FOCAD: variants seen among roughly 807,000 people sequenced by gnomAD.
FOCAD encodes the protein KIAA1797.
Under a neutral mutation model 225.6 loss-of-function variants are expected in FOCAD, and 198 were observed. The observed-to-expected ratio is 0.88, with a 90% CI of 0.78 to 0.99. The LOEUF (loss-of-function observed/expected upper bound fraction) is 0.99. Among genes scored for constraint, FOCAD ranks in the 50% least tolerant of loss-of-function variants. The probability of loss-of-function intolerance (pLI) is 0.00; values close to 1 mark genes in which losing one functional copy is unlikely to be tolerated. For synonymous variants in FOCAD, 897 were observed against 755.0 expected (o/e 1.19, Z -3.08); for missense variants, 2,713 against 2,123.6 (o/e 1.28, Z -5.46).
intron 4 of FOCAD, among the ~76,000 whole-genome samples, chr9:20,723,431 C>T (rs937587985): frequency 2.0e-5 from 3 of 152,150 alleles, no homozygotes; most frequent in Non-Finnish European, 4.4e-5. Context: ...GATCTTGCAG[C>T]GAGCTGAAGC....
intron 8 of FOCAD, among the ~76,000 whole-genome samples, chr9:20,773,355 C>A (rs1208359045): frequency 6.6e-6 from 1 of 152,210 alleles, no homozygotes; most frequent in Non-Finnish European, 1.5e-5. Flanking sequence ...GAGTTTGTTA[C>A]AAATGCACAT....
At chr9:20,930,771 T>C (rs1045298367) in intron 27 of FOCAD, among the ~76,000 whole-genome samples, 1 of 152,222 alleles carries the variant, frequency 6.6e-6, no homozygotes, top group African/African-American at 2.4e-5. Flanking sequence ...TTTCGTCCTG[T>C]TCACCATCAC....
chr9:20,944,355 A>G (rs1836965663), intron 28 of FOCAD, among the ~76,000 whole-genome samples: 1 of 152,156 alleles, frequency 6.6e-6, no homozygotes, highest in Non-Finnish European at 1.5e-5. Flanking sequence ...CATAAAGTTT[A>G]AGTCAAACTA....
At chr9:20,658,052 G>GTGCCCC, upstream of FOCAD, among the ~76,000 whole-genome samples, 1 of 143,054 alleles carries the variant, frequency 7.0e-6, no homozygotes, top group East Asian at 2.1e-4. Context: ...AGGTGTCAGT[G>GTGCCCC]TGCCCCTGCT....
chr9:20,689,941 G>T (rs933608748), intron 1 of FOCAD, among the ~76,000 whole-genome samples: 2 of 152,162 alleles, frequency 1.3e-5, no homozygotes, highest in Admixed American at 1.3e-4. Flanking sequence ...GGACAGTGTG[G>T]CCTATTTGCT....
At chr9:20,895,413 A>G (rs2131938184) in intron 21 of FOCAD, among the ~76,000 whole-genome samples, 1 of 152,074 alleles carries the variant, frequency 6.6e-6, no homozygotes. Flanking sequence ...GGAAGAACTG[A>G]CATCCTGACA....
chr9:20,871,175 G>A (rs555656769), intron 18 of FOCAD, among the ~76,000 whole-genome samples: 1 of 151,964 alleles, frequency 6.6e-6, no homozygotes, highest in South Asian at 2.1e-4. Flanking sequence ...CTACACTCCA[G>A]CCCAGGCAAC....
intron 5 of FOCAD, among the ~76,000 whole-genome samples, chr9:20,743,755 C>T (rs1310957133): frequency 6.6e-6 from 1 of 152,158 alleles, no homozygotes; most frequent in Admixed American, 6.6e-5. Context: ...CCCATTTGCT[C>T]AGTGATATGG....
chr9:20,995,796 G>C lies in FOCAD; in HGVS notation c.*167G>C. On this transcript the variant is annotated 3_prime_UTR_variant, in exon 44 of 44. Coordinates refer to ENST00000338382, the MANE Select transcript of FOCAD (RefSeq NM_001375567.1). ...ACAGCTTGACACATGCCTCCTAAGA[G>C]AGGAGTGCATTGCTTTAGTACCCGG... The C allele has an allele frequency of 1.9e-6, 1 of 519,536 alleles. No individual in the cohort carries two copies. The highest frequency in any genetic ancestry group is 3.4e-6 in the Non-Finnish European group (1 of 294,004). 32.2% of individuals were successfully genotyped at this position (519,536 alleles called of 1,614,324 possible). A position where few individuals can be genotyped will look rare whatever the true frequency, so the allele number is the denominator to read the frequency against.
intron 16 of FOCAD, chr9:20,863,249 AG>A (rs1244575237): frequency 7.0e-6 from 1 of 143,440 alleles, no homozygotes; most frequent in African/African-American, 2.6e-5. Context: ...TACATTTGTA[AG>A]CCATACTTTT....
At chr9:20,763,780 G>T (rs530556023) in intron 6 of FOCAD, among the ~76,000 whole-genome samples, 13 of 152,182 alleles carry the variant, frequency 8.5e-5, no homozygotes, top group Admixed American at 8.5e-4. Flanking sequence ...GATGGAGGGT[G>T]TGTGTGAATT....
intron 4 of FOCAD, among the ~76,000 whole-genome samples, chr9:20,728,205 A>G (rs934621674): frequency 1.3e-5 from 2 of 152,146 alleles, no homozygotes; most frequent in African/African-American, 4.8e-5. Flanking sequence ...ATTATAGGCT[A>G]ACTATCCCCT....
chr9:20,748,546 A>C (rs1828267450), intron 5 of FOCAD, among the ~76,000 whole-genome samples: 1 of 152,150 alleles, frequency 6.6e-6, no homozygotes, highest in South Asian at 2.1e-4. Flanking sequence ...ATCATTATAG[A>C]AAAATCAGAG....
Position 20,857,516 on chromosome 9 carries a change from ATG to A in FOCAD, c.1921-5061_1921-5060del, listed in dbSNP as rs1414739311. ...GTAGAGTCTCTAGGTTTTTCTAAAT[ATG>A]AGATCATATCATTTGGAAAGAAAAA... is the stretch of plus-strand genomic sequence containing the variant. On this transcript the variant is annotated intron_variant, in intron 15 of 43. Coordinates refer to ENST00000338382, the MANE Select transcript of FOCAD (RefSeq NM_001375567.1). Among the ~76,000 whole-genome samples the A allele has an allele frequency of 1.5e-3, 227 of 152,112 alleles. 3 individuals carry two copies. The East Asian group carries it at 0.04, about 27-fold the overall frequency.
At position 20,929,429 on chromosome 9, in the gene FOCAD, TG is replaced by T; in HGVS notation, c.3151del (p.Val1051CysfsTer16). The T allele has an allele frequency of 6.2e-7, 1 of 1,614,166 alleles. No individual in the cohort carries two copies. Among genetic ancestry groups the T allele is most frequent in the Non-Finnish European group, 8.5e-7 (1 of 1,180,020 alleles). On this transcript the variant is annotated frameshift_variant, in exon 27 of 44. Coordinates refer to ENST00000338382, the MANE Select transcript of FOCAD (RefSeq NM_001375567.1). LOFTEE classifies it high-confidence loss of function. The stretch of plus-strand genomic sequence containing the variant: ...CTGCCGCCACGGCTTTGTCTCTCCT[TG>T]TGCCAGTTTTCATTATCTCTTGCAA... The part of the protein sequence containing the change: ...SAAATALSLL[V>X]PVFIISCKEK...
chr9:20,936,301 C>CA (rs1342430445), intron 28 of FOCAD, among the ~76,000 whole-genome samples: 1 of 152,214 alleles, frequency 6.6e-6, no homozygotes, highest in African/African-American at 2.4e-5. Flanking sequence ...TTATGATTTA[C>CA]AGCTACATTC....
At chr9:20,740,522 G>C (rs1290553962) in intron 5 of FOCAD, among the ~76,000 whole-genome samples, 182 bp downstream of exon 5, 1 of 152,110 alleles carries the variant, frequency 6.6e-6, no homozygotes, top group Non-Finnish European at 1.5e-5. Flanking sequence ...AGATAGAGTT[G>C]ACAAGATGAG....
At chr9:20,740,374 T>A in intron 5 of FOCAD, 34 bp downstream of exon 5, 2 of 1,171,816 alleles carry the variant, frequency 1.7e-6, no homozygotes, top group Admixed American at 2.2e-5. Context: ...TTTAAACAAA[T>A]ATGAATTTTT....
In FOCAD at chr9:20,665,332, C is replaced by T. The variant is rs555345487; in HGVS notation, c.-78+6506C>T. ...AAGCCTTTTCTGGGAGGCAGTGACTCCCAGAAAATGTAAATACTACATTTA... is the reference window on the plus strand; with the variant it reads ...AAGCCTTTTCTGGGAGGCAGTGACTTCCAGAAAATGTAAATACTACATTTA... On this transcript the variant is annotated intron_variant, in intron 2 of 45. Coordinates refer to the FOCAD transcript ENST00000380249. Among the ~76,000 whole-genome samples, 3 of 152,124 alleles carry T rather than the reference C, an allele frequency of 2.0e-5. No homozygotes were observed. In the South Asian group the frequency reaches 6.2e-4, roughly 32 times the overall value.
Sources: allele counts gnomAD v4.1 joint callset (sites outside exome capture counted in the v4.1 genomes callset), GRCh38; gene constraint gnomAD v4.1.1; transcripts MANE v1.5; gene names NCBI Gene and HGNC (gene_info 2026-07-23, HGNC 2026-07-21).